The following MNAT1 variants were observed in gnomAD, a reference collection of about 807,000 sequenced individuals.
The protein encoded by MNAT1 is MNAT1 component of CDK activating kinase.
Under a neutral mutation model 42.0 loss-of-function variants are expected in MNAT1, and 43 were observed. That is an observed-to-expected ratio of 1.02 (90% CI 0.80 to 1.32). MNAT1 has a LOEUF of 1.32. Among genes scored for constraint, MNAT1 ranks in the 40% most tolerant of loss-of-function variants. The probability of loss-of-function intolerance (pLI) is 0.00; values close to 1 mark genes in which losing one functional copy is unlikely to be tolerated. For synonymous variants in MNAT1, 118 were observed against 120.0 expected (o/e 0.98, Z 0.11); for missense variants, 306 against 350.4 (o/e 0.87, Z 1.01).
intron 7 of MNAT1, among the ~76,000 whole-genome samples, chr14:60,923,403 A>G (rs142674961): frequency 3.3e-4 from 51 of 152,256 alleles, no homozygotes; most frequent in African/African-American, 1.2e-3. Context: ...GTTATATTGC[A>G]TATTTTTGTT....
chr14:60,749,512 A>T (rs1245407113), intron 1 of MNAT1, among the ~76,000 whole-genome samples: 1 of 152,092 alleles, frequency 6.6e-6, no homozygotes, highest in African/African-American at 2.4e-5. Flanking sequence ...TAGCTATGAG[A>T]TTTAGGGAAA....
chr14:60,900,509 C>A (rs530456829), intron 7 of MNAT1, among the ~76,000 whole-genome samples: 2 of 152,216 alleles, frequency 1.3e-5, no homozygotes, highest in African/African-American at 4.8e-5. Flanking sequence ...GAAGAAAATT[C>A]TAAAGCTAAC....
rs1191009753 is a variant in MNAT1 at position 60,799,886 on chromosome 14, AGCTGTG to A, written c.316+1730_316+1735del. ...AATGCTTTCTTTACCAAAATATAGA[AGCTGTG>A]GCTCAGACCATTTAATTTGAAAGTG... On this transcript the variant is annotated intron_variant, in intron 3 of 7. Transcript: ENST00000261245. 5.9e-5 allele frequency among the ~76,000 whole-genome samples: 9 copies of A among 152,214 alleles called. No homozygotes were observed. The East Asian group carries it at 1.7e-3, about 29-fold the overall frequency.
intron 7 of MNAT1, chr14:60,919,243 C>G (rs1010881826): frequency 2.6e-5 from 4 of 152,386 alleles, no homozygotes; most frequent in African/African-American, 9.6e-5. Flanking sequence ...CTGGGCTCAG[C>G]TCAGATCACT....
At chr14:60,870,465 G>A (rs534540340) in intron 6 of MNAT1, among the ~76,000 whole-genome samples, 11 of 152,120 alleles carry the variant, frequency 7.2e-5, no homozygotes, top group Admixed American at 2.0e-4. Flanking sequence ...TTAGTTTTGT[G>A]CCGTACTTTT....
chr14:60,909,810 C>T (rs1379148639), intron 7 of MNAT1, among the ~76,000 whole-genome samples: 1 of 152,030 alleles, frequency 6.6e-6, no homozygotes, highest in Admixed American at 6.6e-5. Flanking sequence ...GATGCGGGCT[C>T]TTTTTTGGTT....
In MNAT1 at chr14:60,823,041, C is replaced by T. The variant is rs557864422; in HGVS notation, c.687+4194C>T. Among the ~76,000 whole-genome samples, 24 of 152,134 alleles carry T rather than the reference C, an allele frequency of 1.6e-4. 1 individual carries two copies. The East Asian group carries it at 3.7e-3, about 23-fold the overall frequency. On this transcript the variant is annotated intron_variant, in intron 6 of 7. Transcript: ENST00000261245. Reference sequence around the variant, plus strand: ...CAGAGTGTTGGGATTACACTGTGCCCGGCTGAGGAGCACACTTTTAATGAT... The same window carrying T: ...CAGAGTGTTGGGATTACACTGTGCCTGGCTGAGGAGCACACTTTTAATGAT...
At chr14:60,933,681 C>T (rs538042849) in intron 7 of MNAT1, among the ~76,000 whole-genome samples, 1 of 152,096 alleles carries the variant, frequency 6.6e-6, no homozygotes, top group East Asian at 1.9e-4. Flanking sequence ...CTAGACAATC[C>T]CATAGCTATT....
chr14:60,767,690 T>G (rs776793597), intron 1 of MNAT1, among the ~76,000 whole-genome samples: 12 of 152,194 alleles, frequency 7.9e-5, no homozygotes, highest in Non-Finnish European at 1.6e-4. Flanking sequence ...AACCTCTGCC[T>G]GCTAGGTTCA....
intron 7 of MNAT1, among the ~76,000 whole-genome samples, chr14:60,906,173 A>T (rs754829290): frequency 6.6e-6 from 1 of 152,200 alleles, no homozygotes; most frequent in Non-Finnish European, 1.5e-5. Flanking sequence ...GAAGGAGTGC[A>T]GAATGTCTGG....
At chr14:60,798,726 G>A (rs909360078) in intron 3 of MNAT1, among the ~76,000 whole-genome samples, 1 of 151,998 alleles carries the variant, frequency 6.6e-6, no homozygotes, top group African/African-American at 2.4e-5. Context: ...AATGATTTCA[G>A]TTTTCTTAAA....
intron 7 of MNAT1, among the ~76,000 whole-genome samples, chr14:60,892,342 T>A (rs1054653552): frequency 2.0e-5 from 3 of 152,176 alleles, no homozygotes; most frequent in African/African-American, 7.2e-5. Context: ...ACTAATATGT[T>A]ATGTTCTTTT....
At chr14:60,805,284 A>G (rs529243619) in intron 3 of MNAT1, among the ~76,000 whole-genome samples, 8 of 152,078 alleles carry the variant, frequency 5.3e-5, no homozygotes, top group South Asian at 2.1e-4. Context: ...AAATTGAGCA[A>G]AAAGTATAGA....
chr14:60,767,250 G>C (rs988838151), intron 1 of MNAT1, among the ~76,000 whole-genome samples: 2 of 152,190 alleles, frequency 1.3e-5, no homozygotes, highest in African/African-American at 2.4e-5. Flanking sequence ...CTTGTGCTTT[G>C]TAGATTTGTG....
At chr14:60,893,054 G>A (rs552991680) in intron 7 of MNAT1, among the ~76,000 whole-genome samples, 1 of 151,946 alleles carries the variant, frequency 6.6e-6, no homozygotes, top group Non-Finnish European at 1.5e-5. Context: ...AAAGATATTA[G>A]TCTCTTAAAT....
rs146156336 is a variant in MNAT1, at chr14:60,861,990, G to C, written c.688-17724G>C. On this transcript the variant is annotated intron_variant, in intron 6 of 7. Coordinates refer to ENST00000261245, the MANE Select transcript of MNAT1 (RefSeq NM_002431.4). ...TTAGAATGAGAAGTGTTTTTAAAAT[G>C]TTATGGGAATGCCCGAATTACAATT... 7.9e-3 allele frequency among the ~76,000 whole-genome samples: 1,199 copies of C among 152,262 alleles called. 12 individuals carry two copies. The highest frequency in any genetic ancestry group is 0.027 in the African/African-American group (1,138 of 41,536).
At chr14:60,768,589 C>T (rs1393142967) in intron 1 of MNAT1, among the ~76,000 whole-genome samples, 1 of 152,144 alleles carries the variant, frequency 6.6e-6, no homozygotes, top group African/African-American at 2.4e-5. Context: ...TTAAAAATTA[C>T]TACTACTTAT....
chr14:60,789,335 A>T (rs910729041), intron 1 of MNAT1, among the ~76,000 whole-genome samples: 4 of 152,146 alleles, frequency 2.6e-5, no homozygotes, highest in Non-Finnish European at 5.9e-5. Flanking sequence ...CACTGATCAC[A>T]TAACACCATG....
At chr14:60,870,145 A>G (rs922539883) in intron 6 of MNAT1, among the ~76,000 whole-genome samples, 4 of 152,280 alleles carry the variant, frequency 2.6e-5, no homozygotes, top group Admixed American at 2.6e-4. Context: ...GTTGCTCTAT[A>G]TGGAAATGAG....
Sources: allele counts gnomAD v4.1 joint callset (sites outside exome capture counted in the v4.1 genomes callset), GRCh38; gene constraint gnomAD v4.1.1; transcripts MANE v1.5; gene names NCBI Gene and HGNC (gene_info 2026-07-23, HGNC 2026-07-21).